SORCS2: variants seen among roughly 807,000 people sequenced by gnomAD.
SORCS2 encodes VPS10 domain-containing receptor SorCS2.
In SORCS2, 100 loss-of-function variants were observed where a neutral mutation model predicts 141.6. The observed-to-expected ratio is 0.71, with a 90% CI of 0.60 to 0.83. The LOEUF (loss-of-function observed/expected upper bound fraction) is 0.83, where lower values mean the gene tolerates loss of function less well. SORCS2 is among the 40% of genes least tolerant of loss of function. SORCS2 has a pLI of 0.00. For synonymous variants in SORCS2, 789 were observed against 676.9 expected (o/e 1.17, Z -2.57); for missense variants, 1,646 against 1,560.2 (o/e 1.05, Z -0.93).
chr4:7,399,511 C>T (rs1724434402), intron 2 of SORCS2, among the ~76,000 whole-genome samples: 1 of 152,202 alleles, frequency 6.6e-6, no homozygotes, highest in South Asian at 2.1e-4. Flanking sequence ...CTCCTGGCTT[C>T]CCTGATGATC....
chr4:7,218,594 T>C (rs1404051440), intron 1 of SORCS2, among the ~76,000 whole-genome samples: 1 of 152,218 alleles, frequency 6.6e-6, no homozygotes, highest in Non-Finnish European at 1.5e-5. Context: ...GCTCAGTGTA[T>C]GGGATGGAAA....
intron 3 of SORCS2, among the ~76,000 whole-genome samples, chr4:7,612,158 G>A (rs1172353513): frequency 6.6e-6 from 1 of 152,216 alleles, no homozygotes; most frequent in African/African-American, 2.4e-5. Flanking sequence ...GGCTGGGGAG[G>A]TAAAACTGAG....
At chr4:7,341,390 G>C (rs1720359974) in intron 1 of SORCS2, among the ~76,000 whole-genome samples, 1 of 152,250 alleles carries the variant, frequency 6.6e-6, no homozygotes, top group Non-Finnish European at 1.5e-5. Context: ...AATCCTCCCA[G>C]CCCTGAACCC....
At chr4:7,349,773 C>T (rs533605379) in intron 1 of SORCS2, among the ~76,000 whole-genome samples, 18 of 152,284 alleles carry the variant, frequency 1.2e-4, no homozygotes, top group African/African-American at 3.9e-4. Context: ...GTGCATGGGC[C>T]GGAGAACTGT....
intron 2 of SORCS2, among the ~76,000 whole-genome samples, chr4:7,453,552 GTGTGTTGGGGTCAGCTGC>G (rs1728636201): frequency 2.2e-5 from 3 of 134,146 alleles, no homozygotes; most frequent in East Asian, 4.9e-4. Context: ...GTCAGGTGCT[GTGTGTTGGGGTCAGCTGC>G]TGTGTTGGGG....
chr4:7,472,872 G>T (rs1349509731), intron 2 of SORCS2, among the ~76,000 whole-genome samples: 1 of 151,762 alleles, frequency 6.6e-6, no homozygotes, highest in Non-Finnish European at 1.5e-5. Flanking sequence ...CTCAGATGGT[G>T]AAGAAGAAAT....
intron 1 of SORCS2, among the ~76,000 whole-genome samples, chr4:7,395,474 T>C (rs1724150710): frequency 6.6e-6 from 1 of 152,216 alleles, no homozygotes; most frequent in Non-Finnish European, 1.5e-5. Context: ...ACGCAGTGGC[T>C]GGTGCAGTAA....
chr4:7,549,098 C>A lies in SORCS2; in HGVS notation c.648+17469C>A, dbSNP rs577069635. Among the ~76,000 whole-genome samples the A allele has an allele frequency of 5.3e-5, 8 of 152,220 alleles. No individual in the cohort carries two copies. The East Asian group carries it at 1.4e-3, about 26-fold the overall frequency. On this transcript the variant is annotated intron_variant, in intron 3 of 26. Transcript: ENST00000507866. ...CAAGCCTGGGGAGGGCAGGAGCGTG[C>A]CCCCAGCAAGGGCAGGTTGGGGAAT...
chr4:7,675,962 A>G, intron 8 of SORCS2, 88 bp from the exon 9 acceptor site: 1 of 1,440,822 alleles, frequency 6.9e-7, no homozygotes, highest in Non-Finnish European at 9.4e-7. Context: ...GGTCTTCTGC[A>G]CCCTCACGGC....
At chr4:7,521,350 G>A (rs1434313112) in intron 2 of SORCS2, among the ~76,000 whole-genome samples, 2 of 152,064 alleles carry the variant, frequency 1.3e-5, no homozygotes, top group Admixed American at 1.3e-4. Context: ...CACCCCCTCC[G>A]GCACCGGGCT....
rs554149262 is a variant in SORCS2, at chr4:7,733,957, C to T, written c.3209-315C>T. ...TCAGCCACATCAGGAGCGCCGGCCACGGGCATGGAACAGCCTCCACACCAA... is the reference window on the plus strand; with the variant it reads ...TCAGCCACATCAGGAGCGCCGGCCATGGGCATGGAACAGCCTCCACACCAA... On this transcript the variant is annotated intron_variant, in intron 24 of 26. Coordinates refer to ENST00000507866, the MANE Select transcript of SORCS2 (RefSeq NM_020777.3). Among the ~76,000 whole-genome samples, 397 of 152,198 alleles carry T rather than the reference C, an allele frequency of 2.6e-3. 3 individuals carry two copies. Among genetic ancestry groups the T allele is most frequent in the African/African-American group, 9.0e-3 (374 of 41,522 alleles).
intron 1 of SORCS2, among the ~76,000 whole-genome samples, chr4:7,380,395 C>T (rs1722911545): frequency 6.6e-6 from 1 of 152,222 alleles, no homozygotes; most frequent in Non-Finnish European, 1.5e-5. Context: ...TTGCACTGGA[C>T]AGGTAGCGAG....
At chr4:7,336,921 C>G (rs1162923404) in intron 1 of SORCS2, among the ~76,000 whole-genome samples, 2 of 152,136 alleles carry the variant, frequency 1.3e-5, no homozygotes, top group Non-Finnish European at 2.9e-5. Context: ...CCTGAGCCGC[C>G]CTGAGCCCCA....
intron 2 of SORCS2, among the ~76,000 whole-genome samples, chr4:7,421,892 G>A (rs1203384168): frequency 1.6e-5 from 2 of 124,560 alleles, no homozygotes; most frequent in African/African-American, 5.8e-5. Flanking sequence ...CGGGCTTGCA[G>A]GAGAGGGAGG....
chr4:7,446,219 G>A (rs915535800), intron 2 of SORCS2, among the ~76,000 whole-genome samples: 1 of 152,128 alleles, frequency 6.6e-6, no homozygotes, highest in Admixed American at 6.5e-5. Context: ...TTATTTCCCA[G>A]CAGAGCTGAG....
In SORCS2 at chr4:7,302,769, A is replaced by ATG. The variant is rs138338129; in HGVS notation, c.481-93500_481-93499dup. Among the ~76,000 whole-genome samples, 758 of 145,838 alleles carry ATG rather than the reference A, an allele frequency of 5.2e-3. 6 individuals are homozygous for ATG. Among genetic ancestry groups the ATG allele is most frequent in the African/African-American group, 0.013 (521 of 39,618 alleles). On this transcript the variant is annotated intron_variant, in intron 1 of 26. Coordinates refer to ENST00000507866, the MANE Select transcript of SORCS2 (RefSeq NM_020777.3). Reference sequence around the variant, plus strand: ...CCGGCATCTAGTAGACAGTCCACATATGTGTGTGTGTGTGTGTGTGCGCGC... The same window carrying ATG: ...CCGGCATCTAGTAGACAGTCCACATATGTGTGTGTGTGTGTGTGTGTGCGCGC...
chr4:7,679,511 C>A (rs1044168231), intron 9 of SORCS2, among the ~76,000 whole-genome samples: 9 of 152,238 alleles, frequency 5.9e-5, no homozygotes, highest in African/African-American at 2.2e-4. Context: ...AATGCAATCA[C>A]AAGTGTCCTT....
At chr4:7,478,640 C>G (rs1045787030) in intron 2 of SORCS2, among the ~76,000 whole-genome samples, 1 of 152,216 alleles carries the variant, frequency 6.6e-6, no homozygotes, top group African/African-American at 2.4e-5. Flanking sequence ...CTGCTCTGAC[C>G]TGGTCACCAC....
chr4:7,717,276 C>T (rs1052157473), intron 17 of SORCS2, among the ~76,000 whole-genome samples: 6 of 152,220 alleles, frequency 3.9e-5, no homozygotes, highest in Non-Finnish European at 5.9e-5. Context: ...CTCCCATTCT[C>T]GCTGAAAGCC....
Sources: allele counts gnomAD v4.1 joint callset (sites outside exome capture counted in the v4.1 genomes callset), GRCh38; gene constraint gnomAD v4.1.1; transcripts MANE v1.5; gene names NCBI Gene and HGNC (gene_info 2026-07-23, HGNC 2026-07-21).